Variants in ZNF148 observed in about 807,000 individuals in gnomAD.
The protein encoded by ZNF148 is zinc finger protein 148, also known as Beta-Enolase Repressor Factor-1.
ZNF148 carries 7 observed loss-of-function variants against 67.7 expected under a neutral mutation model. The observed-to-expected ratio is 0.10, with a 90% CI of 0.06 to 0.19. The LOEUF (loss-of-function observed/expected upper bound fraction) is 0.19. Among genes scored for constraint, ZNF148 ranks in the 10% least tolerant of loss-of-function variants. The probability of loss-of-function intolerance (pLI) is 1.00; values close to 1 mark genes in which losing one functional copy is unlikely to be tolerated. For synonymous variants in ZNF148, 333 were observed against 330.7 expected (o/e 1.01, Z -0.08); for missense variants, 583 against 947.1 (o/e 0.62, Z 5.05).
rs931978104 is a variant in ZNF148 at position 125,327,534 on chromosome 3, G to A, written c.-153+3624C>T. Among the ~76,000 whole-genome samples, 21 of 152,286 alleles carry A rather than the reference G, an allele frequency of 1.4e-4. No homozygotes were observed. The East Asian group carries it at 4.0e-3, about 29-fold the overall frequency. On this transcript the variant is annotated intron_variant, in intron 2 of 8. Coordinates refer to ENST00000360647, the MANE Select transcript of ZNF148 (RefSeq NM_021964.3). ...TGGATTGAAGTCATAAAAATATGTT[G>A]TCTGAGCCGCACAACGTGGCCCATG...
At chr3:125,353,728 T>C (rs1183931666) in intron 1 of ZNF148, among the ~76,000 whole-genome samples, 1 of 151,884 alleles carries the variant, frequency 6.6e-6, no homozygotes, top group African/African-American at 2.4e-5. Flanking sequence ...GTGTAGGGAT[T>C]ACAGGCATGA....
chr3:125,353,001 T>A (rs1942209426), intron 1 of ZNF148, among the ~76,000 whole-genome samples: 2 of 152,204 alleles, frequency 1.3e-5, no homozygotes, highest in Non-Finnish European at 2.9e-5. Context: ...GGAAGTTTTT[T>A]AAATAACTAA....
intron 7 of ZNF148, among the ~76,000 whole-genome samples, chr3:125,259,011 T>C (rs917708830): frequency 6.6e-6 from 1 of 152,166 alleles, no homozygotes; most frequent in Non-Finnish European, 1.5e-5. Context: ...GTTAATTGTA[T>C]ATTGCACAGA....
At position 125,231,005 on chromosome 3, in the gene ZNF148, T is replaced by G. The variant is rs561485313; in HGVS notation, c.*1336A>C. The G allele has an allele frequency of 3.9e-5, 6 of 152,490 alleles. No homozygotes were observed. The highest frequency in any genetic ancestry group is 8.8e-5 in the Non-Finnish European group (6 of 67,920). The allele number at this position is 152,490 out of a possible 1,614,324, so 9.4% of individuals were successfully genotyped here. A position where few individuals can be genotyped will look rare whatever the true frequency, so the allele number is the denominator to read the frequency against. On this transcript the variant is annotated 3_prime_UTR_variant, in exon 9 of 9. Coordinates refer to ENST00000360647, the MANE Select transcript of ZNF148 (RefSeq NM_021964.3). Reference sequence around the variant, plus strand: ...TAAGACAGAGTATTAAAAAAAAACATTCATGGTATAAGGATAAAGTCTGTA... The same window carrying G: ...TAAGACAGAGTATTAAAAAAAAACAGTCATGGTATAAGGATAAAGTCTGTA...
intron 7 of ZNF148, among the ~76,000 whole-genome samples, chr3:125,251,394 A>G (rs1936835132): frequency 6.6e-6 from 1 of 152,252 alleles, no homozygotes. Flanking sequence ...GATGTACAGA[A>G]AAGTATACAA....
chr3:125,288,434 G>C (rs1006023482), intron 4 of ZNF148, among the ~76,000 whole-genome samples: 1 of 151,716 alleles, frequency 6.6e-6, no homozygotes, highest in South Asian at 2.1e-4. Context: ...TAAATTGAGG[G>C]ATAAACAGAT....
chr3:125,287,389 A>C (rs1322423136), intron 5 of ZNF148, among the ~76,000 whole-genome samples: 2 of 152,182 alleles, frequency 1.3e-5, no homozygotes. Flanking sequence ...CTGTAATCCT[A>C]ATACTTTGGG....
chr3:125,338,156 T>C (rs1462604382), intron 1 of ZNF148, among the ~76,000 whole-genome samples: 1 of 152,026 alleles, frequency 6.6e-6, no homozygotes, highest in Non-Finnish European at 1.5e-5. Context: ...AATAAATGTC[T>C]ACTCTAACAT....
chr3:125,336,823 C>T (rs767872829), intron 1 of ZNF148, among the ~76,000 whole-genome samples: 4 of 151,360 alleles, frequency 2.6e-5, no homozygotes, highest in South Asian at 4.2e-4. Context: ...ACTACAGGCG[C>T]GTGCCTCCAT....
At chr3:125,277,842 C>T (rs1938153970) in intron 6 of ZNF148, 33 bp from the exon 7 acceptor site, 1 of 1,563,224 alleles carries the variant, frequency 6.4e-7, no homozygotes, top group Non-Finnish European at 8.7e-7. Context: ...AAATTAGTTA[C>T]TGAATAAAAC....
intron 1 of ZNF148, among the ~76,000 whole-genome samples, chr3:125,373,661 T>A (rs1942965420): frequency 6.6e-6 from 1 of 152,166 alleles, no homozygotes; most frequent in South Asian, 2.1e-4. Flanking sequence ...AGCTCCTCCA[T>A]TCTGCAGGCC....
At chr3:125,371,073 C>T (rs1351316394) in intron 1 of ZNF148, among the ~76,000 whole-genome samples, 1 of 152,120 alleles carries the variant, frequency 6.6e-6, no homozygotes, top group Admixed American at 6.5e-5. Context: ...AGAATTGTGG[C>T]CGGGCACGGT....
At chr3:125,276,424 ATTTATTTAT>A (rs1458825149) in intron 7 of ZNF148, among the ~76,000 whole-genome samples, 1 of 151,536 alleles carries the variant, frequency 6.6e-6, no homozygotes, top group African/African-American at 2.4e-5. Context: ...TTATTTATTT[ATTTATTTAT>A]TTTATTTATT....
chr3:125,264,380 CTG>C (rs1937477881), intron 7 of ZNF148, among the ~76,000 whole-genome samples: 1 of 152,156 alleles, frequency 6.6e-6, no homozygotes, highest in East Asian at 1.9e-4. Context: ...TTTAATTAAA[CTG>C]TATAATAGGA....
At chr3:125,335,615 TA>T (rs1306458433) in intron 1 of ZNF148, among the ~76,000 whole-genome samples, 1 of 152,224 alleles carries the variant, frequency 6.6e-6, no homozygotes, top group Non-Finnish European at 1.5e-5. Context: ...CAATCTAACT[TA>T]ATTTCCATTC....
At chr3:125,236,981 A>G (rs959094186) in intron 7 of ZNF148, among the ~76,000 whole-genome samples, 1 of 152,198 alleles carries the variant, frequency 6.6e-6, no homozygotes, top group Non-Finnish European at 1.5e-5. Flanking sequence ...TAACTAATGA[A>G]GCAATGGAAG....
At chr3:125,276,307 A>C in intron 7 of ZNF148, among the ~76,000 whole-genome samples, 1 of 152,240 alleles carries the variant, frequency 6.6e-6, no homozygotes, top group East Asian at 1.9e-4. Context: ...TCTAATAAAA[A>C]GAGATGAATA....
intron 7 of ZNF148, among the ~76,000 whole-genome samples, chr3:125,262,481 A>C (rs1937390604): frequency 6.6e-6 from 1 of 152,228 alleles, no homozygotes; most frequent in Non-Finnish European, 1.5e-5. Flanking sequence ...AGTACATAAA[A>C]CAGCATTTTG....
At position 125,246,399 on chromosome 3, in the gene ZNF148, G is replaced by A. The variant is rs572122706; in HGVS notation, c.668-12070C>T. 2.5e-4 allele frequency among the ~76,000 whole-genome samples: 38 copies of A among 152,274 alleles called. No individual in the cohort carries two copies. The Middle Eastern group carries it at 0.014, about 55-fold the overall frequency. ...TGATGCAACATAAAATAGTACTTAA[G>A]AGTACAGGTTCTACAGCCAGATGAG... On this transcript the variant is annotated intron_variant, in intron 7 of 8. Coordinates refer to ENST00000360647, the MANE Select transcript of ZNF148 (RefSeq NM_021964.3).
Sources: gnomAD v4.1 joint callset for allele counts (sites outside exome capture counted in the v4.1 genomes callset) on GRCh38, gnomAD v4.1.1 for gene constraint, MANE v1.5 for transcripts, NCBI Gene and HGNC (gene_info 2026-07-23, HGNC 2026-07-21) for gene names.